Variants in IGF2BP2 observed in about 807,000 individuals in gnomAD.
IGF2BP2 encodes insulin like growth factor 2 mRNA binding protein 2.
A neutral mutation model predicts 75.8 loss-of-function variants in IGF2BP2; 17 were observed. That is an observed-to-expected ratio of 0.22 (90% CI 0.15 to 0.34). IGF2BP2 has a LOEUF of 0.34. Ranked by LOEUF, IGF2BP2 falls within the 10% of genes least tolerant of loss-of-function variation. The pLI is 1.00. For synonymous variants in IGF2BP2, 288 were observed against 295.6 expected, an observed-to-expected ratio of 0.97 and a Z score of 0.26; for missense variants, 516 against 772.4, an observed-to-expected ratio of 0.67 and a Z score of 3.93.
chr3:185,781,251 T>C (rs1735164525), intron 2 of IGF2BP2, among the ~76,000 whole-genome samples: 1 of 152,164 alleles, frequency 6.6e-6, no homozygotes, highest in Non-Finnish European at 1.5e-5. Flanking sequence ...ACTCAACAAA[T>C]ACAAAAGCAG....
intron 2 of IGF2BP2, among the ~76,000 whole-genome samples, chr3:185,759,485 T>C (rs1055015423): frequency 2.6e-5 from 4 of 152,214 alleles, no homozygotes; most frequent in African/African-American, 7.2e-5. Context: ...CACATCTTAC[T>C]GAAGAGAAAG....
intron 4 of IGF2BP2, among the ~76,000 whole-genome samples, chr3:185,695,656 T>C (rs1473950471): frequency 6.6e-6 from 1 of 152,208 alleles, no homozygotes; most frequent in Non-Finnish European, 1.5e-5. Context: ...GTTTTCCTTT[T>C]AAAAATCATA....
chr3:185,646,209 CGT>C (rs1713510535), intron 15 of IGF2BP2, among the ~76,000 whole-genome samples: 1 of 152,078 alleles, frequency 6.6e-6, no homozygotes, highest in African/African-American at 2.4e-5. Context: ...CAGACAGGGG[CGT>C]GGCCAGGGAC....
chr3:185,761,020 A>G (rs1732288439), intron 2 of IGF2BP2, among the ~76,000 whole-genome samples: 1 of 148,956 alleles, frequency 6.7e-6, no homozygotes, highest in Admixed American at 6.7e-5. Context: ...TGAGGGGGGG[A>G]ACCAGTAAAG....
intron 12 of IGF2BP2, among the ~76,000 whole-genome samples, chr3:185,653,109 G>A (rs1714874358): frequency 6.6e-6 from 1 of 152,124 alleles, no homozygotes; most frequent in Admixed American, 6.5e-5. Context: ...GATTACAGGT[G>A]TGAGCCACTG....
At chr3:185,795,883 C>T (rs1013608407) in intron 2 of IGF2BP2, among the ~76,000 whole-genome samples, 2 of 151,486 alleles carry the variant, frequency 1.3e-5, no homozygotes, top group African/African-American at 4.9e-5. Flanking sequence ...GAGACTCTGT[C>T]TCAAAAAAAA....
chr3:185,823,353 C>T, intron 1 of IGF2BP2, 140 bp from the exon 2 acceptor site: 1 of 522,588 alleles, frequency 1.9e-6, no homozygotes, highest in Non-Finnish European at 3.3e-6. Flanking sequence ...TCGAGCTGGG[C>T]GAACTTGGTT....
intron 2 of IGF2BP2, among the ~76,000 whole-genome samples, chr3:185,763,224 T>C (rs1264254712): frequency 6.6e-6 from 1 of 151,730 alleles, no homozygotes; most frequent in Non-Finnish European, 1.5e-5. Context: ...ACACCTCCTC[T>C]TTCTACACCA....
chr3:185,755,973 T>C (rs1731565901), intron 2 of IGF2BP2, among the ~76,000 whole-genome samples: 2 of 152,042 alleles, frequency 1.3e-5, no homozygotes, highest in Non-Finnish European at 2.9e-5. Flanking sequence ...GGACATGAGA[T>C]TGGAGGGGCC....
chr3:185,671,862 G>A (rs762267428), intron 10 of IGF2BP2, among the ~76,000 whole-genome samples: 3 of 152,154 alleles, frequency 2.0e-5, no homozygotes, highest in Non-Finnish European at 2.9e-5. Flanking sequence ...AGCAGTCTGC[G>A]TAGAGAAAAA....
In IGF2BP2 at chr3:185,658,392, G is replaced by C. The variant is rs1243675547; in HGVS notation, c.1218C>G (p.Phe406Leu). The change falls in exon 11 of 16, where the codon TTC (phenylalanine) becomes TTG (leucine). Residue 406 changes from phenylalanine (F) to leucine (L), a missense_variant. Physicochemically the swap from Phe to Leu is conservative, Grantham distance 22 (BLOSUM62 0). Coordinates refer to ENST00000382199, the MANE Select transcript of IGF2BP2 (RefSeq NM_006548.6). ...ACTGGTGATGGGGGTACAGGCTGGA[G>C]AAGTATCCGGAGTGGGTCTGCAGCA... ...YHPFTTHSGY[F>L]SSLYPHHQFG... is the part of the protein sequence containing the mutation. The C allele has an allele frequency of 6.2e-7, 1 of 1,613,926 alleles. No individual in the cohort carries two copies. Among genetic ancestry groups the C allele is most frequent in the African/African-American group, 1.3e-5 (1 of 74,934 alleles).
chr3:185,758,557 T>C (rs986250890), intron 2 of IGF2BP2, among the ~76,000 whole-genome samples: 1 of 152,184 alleles, frequency 6.6e-6, no homozygotes, highest in South Asian at 2.1e-4. Context: ...GGTAAGCTGT[T>C]GCTATTGCTG....
intron 2 of IGF2BP2, among the ~76,000 whole-genome samples, chr3:185,781,783 TTG>T (rs572450928): frequency 2.8e-4 from 41 of 149,082 alleles, no homozygotes; most frequent in African/African-American, 4.6e-4. Flanking sequence ...TTGTTTGTGT[TTG>T]TGTGTGTGTG....
chr3:185,747,705 CCATATATATTGTTCATATATATATGAA>C (rs1223632798), intron 2 of IGF2BP2, among the ~76,000 whole-genome samples: 3 of 151,702 alleles, frequency 2.0e-5, no homozygotes, highest in African/African-American at 7.3e-5. Context: ...ATAAAATAGT[CCATATATATTGTTCATATATATATGAA>C]CAATGACTAT....
chr3:185,697,239 G>A (rs1444215092), intron 3 of IGF2BP2, among the ~76,000 whole-genome samples: 2 of 152,124 alleles, frequency 1.3e-5, no homozygotes. Context: ...CCGAGTAGCT[G>A]GGACTACAGA....
At chr3:185,672,480 G>A in intron 10 of IGF2BP2, 61 bp downstream of exon 10, 1 of 1,534,658 alleles carries the variant, frequency 6.5e-7, no homozygotes, top group Non-Finnish European at 8.9e-7. Context: ...CACAGCAGAG[G>A]CATGCTGCTG....
chr3:185,676,058 T>C, intron 7 of IGF2BP2, 145 bp from the exon 8 acceptor site: 1 of 957,896 alleles, frequency 1.0e-6, no homozygotes, highest in Non-Finnish European at 1.5e-6. Flanking sequence ...GTCAGGTCCC[T>C]CACCGACCCC....
chr3:185,745,576 C>T lies in IGF2BP2; in HGVS notation c.240-47229G>A, dbSNP rs185028455. ...GCCCAGCCAAGATGGAACCAAGAGA[C>T]GGCAAGAATGCCTAAGATGATTCAG... On this transcript the variant is annotated intron_variant, in intron 2 of 15. Transcript: ENST00000382199. 7.6e-4 allele frequency among the ~76,000 whole-genome samples: 115 copies of T among 152,288 alleles called. No homozygotes were observed. In the Middle Eastern group the frequency reaches 0.01, roughly 14 times the overall value.
At position 185,649,505 on chromosome 3, in the gene IGF2BP2, T is replaced by C; in HGVS notation, c.1491A>G (p.Lys497=). ...KAQGRIFGKL[K]EENFFNPKEE... ...CTTTGGGGTTAAAGAAGTTTTCCTC[T>C]TTCAGTTTCCCAAAGATCCGTCCCT... Residue 497 remains lysine, a synonymous_variant, in exon 14 of 16, where the codon AAA becomes AAG. Coordinates refer to ENST00000382199, the MANE Select transcript of IGF2BP2 (RefSeq NM_006548.6). 6.2e-7 allele frequency: 1 copy of C among 1,614,174 alleles called. No individual in the cohort carries two copies. Among genetic ancestry groups the C allele is most frequent in the East Asian group, 2.2e-5 (1 of 44,874 alleles).
Sources: gnomAD v4.1 joint callset for allele counts (sites outside exome capture counted in the v4.1 genomes callset) on GRCh38, gnomAD v4.1.1 for gene constraint, MANE v1.5 for transcripts, NCBI Gene and HGNC (gene_info 2026-07-23, HGNC 2026-07-21) for gene names.